Variants in RNF130 observed in about 807,000 individuals in gnomAD.
RNF130 encodes the protein E3 ubiquitin-protein ligase RNF130.
RNF130 carries 21 observed loss-of-function variants against 44.6 expected under a neutral mutation model. That is an observed-to-expected ratio of 0.47 (90% CI 0.33 to 0.68). The LOEUF is 0.68. Ranked by LOEUF, RNF130 falls within the 30% of genes least tolerant of loss-of-function variation. The probability of loss-of-function intolerance (pLI) is 0.02; values close to 1 mark genes in which losing one functional copy is unlikely to be tolerated. For synonymous variants in RNF130, 214 were observed against 210.4 expected, an observed-to-expected ratio of 1.02 and a Z score of -0.15; for missense variants, 479 against 560.6, an observed-to-expected ratio of 0.85 and a Z score of 1.47.
At chr5:179,997,733 C>T (rs1763237840) in intron 3 of RNF130, among the ~76,000 whole-genome samples, 1 of 152,152 alleles carries the variant, frequency 6.6e-6, no homozygotes, top group Non-Finnish European at 1.5e-5. Context: ...TCCCAAAGTG[C>T]TGGGATTATA....
chr5:180,010,071 C>A (rs1001959070), intron 3 of RNF130, among the ~76,000 whole-genome samples: 2 of 151,688 alleles, frequency 1.3e-5, no homozygotes, highest in African/African-American at 4.8e-5. Flanking sequence ...CACGGTGAAA[C>A]CCCATCTCTA....
intron 1 of RNF130, among the ~76,000 whole-genome samples, chr5:180,051,342 C>T (rs1011933211): frequency 6.6e-6 from 1 of 151,678 alleles, no homozygotes; most frequent in Non-Finnish European, 1.5e-5. Flanking sequence ...CTCTGCCTCC[C>T]GGGTTGACGC....
At chr5:179,933,398 T>TTGTGTGTGTGTGTG (rs71001060) in intron 7 of RNF130, among the ~76,000 whole-genome samples, 59,543 of 143,340 alleles carry the variant, frequency 0.42, 13,499 homozygotes, top group Non-Finnish European at 0.52. Flanking sequence ...ATAACCCTAT[T>TTGTGTGTGTGTGTG]TGTGTGTGTG....
At position 179,946,435 on chromosome 5, in the gene RNF130, TTTTATAAAAAAAAC is replaced by T. The variant is rs1191285979; in HGVS notation, c.1150+20357_1150+20370del. The stretch of plus-strand genomic sequence containing the variant: ...AATGGACATTTCCCTTAAAAGGGAC[TTTTATAAAAAAAAC>T]TTTAAGGTAAAGAAACAAGAGTAAA... On this transcript the variant is annotated intron_variant, in intron 7 of 7. Transcript: ENST00000522208. 2.0e-5 allele frequency among the ~76,000 whole-genome samples: 3 copies of T among 152,190 alleles called. No homozygotes were observed. The East Asian group carries it at 5.8e-4, about 29-fold the overall frequency.
intron 2 of RNF130, among the ~76,000 whole-genome samples, chr5:180,021,240 G>A (rs1008427401): frequency 4.0e-5 from 6 of 151,880 alleles, no homozygotes; most frequent in Non-Finnish European, 4.4e-5. Context: ...CGCCTGCCTC[G>A]GCCTCCCAAA....
intron 3 of RNF130, among the ~76,000 whole-genome samples, chr5:179,999,464 G>C (rs149430993): frequency 6.6e-5 from 10 of 152,182 alleles, no homozygotes; most frequent in African/African-American, 2.4e-4. Flanking sequence ...GCTTACGCCT[G>C]TAATCCCAGC....
chr5:180,063,413 C>T (rs1366032806), intron 1 of RNF130, among the ~76,000 whole-genome samples: 39 of 152,016 alleles, frequency 2.6e-4, no homozygotes, highest in Admixed American at 2.6e-3. Context: ...GGGTGGATGG[C>T]GATGTCATTT....
At chr5:179,979,180 T>C (rs1302858211) in intron 4 of RNF130, among the ~76,000 whole-genome samples, 4 of 151,996 alleles carry the variant, frequency 2.6e-5, no homozygotes, top group Non-Finnish European at 5.9e-5. Context: ...GCATCTACAC[T>C]GTCACCGTGG....
chr5:179,973,438 C>G (rs1043780923), intron 5 of RNF130, among the ~76,000 whole-genome samples: 2 of 152,206 alleles, frequency 1.3e-5, no homozygotes, highest in Non-Finnish European at 2.9e-5. Context: ...TCTGCTACAA[C>G]AGTCTGGTGC....
intron 3 of RNF130, among the ~76,000 whole-genome samples, chr5:179,999,933 G>A (rs1055955882): frequency 3.3e-5 from 5 of 151,938 alleles, no homozygotes; most frequent in Non-Finnish European, 5.9e-5. Flanking sequence ...TGTTATTTTT[G>A]TTCTCTCCTA....
intron 7 of RNF130, among the ~76,000 whole-genome samples, chr5:179,929,231 C>T (rs1030658777): frequency 4.6e-5 from 7 of 152,144 alleles, no homozygotes; most frequent in Admixed American, 1.3e-4. Flanking sequence ...TCTTACCCCA[C>T]GGCTTGTGCA....
chr5:180,054,485 C>T (rs538035471), intron 1 of RNF130, among the ~76,000 whole-genome samples: 14 of 152,198 alleles, frequency 9.2e-5, no homozygotes, highest in African/African-American at 2.6e-4. Context: ...CAGTTGTCCC[C>T]GCACCCTTTA....
chr5:180,071,671 C>T lies in RNF130; in HGVS notation c.32G>A (p.Arg11Gln). Residue 11 changes from arginine (R) to glutamine (Q), a missense_variant, in exon 1 of 9, where the codon CGG becomes CAG. Coordinates refer to ENST00000521389, the MANE Select transcript of RNF130 (RefSeq NM_018434.6). MSCAGRAGPA[R>Q]LAALALLTCS... ...GGTCAGCAGGGCGAGCGCGGCGAGC[C>T]GGGCAGGGCCCGCCCGCCCCGCGCA... 7 of 1,418,826 alleles carry T rather than the reference C, an allele frequency of 4.9e-6. No homozygotes were observed. Among genetic ancestry groups the T allele is most frequent in the Non-Finnish European group, 6.5e-6 (7 of 1,082,552 alleles). 87.9% of individuals were successfully genotyped at this position (1,418,826 alleles called of 1,614,324 possible).
chr5:180,020,309 G>A (rs908820275), intron 2 of RNF130, among the ~76,000 whole-genome samples: 4 of 152,210 alleles, frequency 2.6e-5, no homozygotes, highest in Non-Finnish European at 5.9e-5. Flanking sequence ...GACAGGCGGG[G>A]AAGCACGTGA....
At chr5:179,973,052 T>C (rs1177343647) in intron 5 of RNF130, among the ~76,000 whole-genome samples, 1 of 152,082 alleles carries the variant, frequency 6.6e-6, no homozygotes, top group Non-Finnish European at 1.5e-5. Flanking sequence ...TCTGAAATAT[T>C]TTTGGTCTTT....
chr5:179,933,673 C>T (rs971702123), intron 7 of RNF130: 66 of 315,624 alleles, frequency 2.1e-4, no homozygotes, highest in Non-Finnish European at 3.2e-4. Context: ...AGTCACGCTC[C>T]ACCATGCCGG....
chr5:180,023,568 A>C (rs1763921229), intron 2 of RNF130, among the ~76,000 whole-genome samples: 1 of 152,216 alleles, frequency 6.6e-6, no homozygotes, highest in African/African-American at 2.4e-5. Context: ...TCCAACACCC[A>C]CAACAATGGA....
chr5:179,994,095 T>C (rs1405894626), intron 3 of RNF130, among the ~76,000 whole-genome samples: 1 of 152,244 alleles, frequency 6.6e-6, no homozygotes, highest in Non-Finnish European at 1.5e-5. Context: ...ATCTCTGTTT[T>C]GGTACCAGTA....
At chr5:179,920,365 G>A (rs1366733643) in exon 8 of RNF130, 1 of 702,492 alleles carries the variant, frequency 1.4e-6, no homozygotes, top group Admixed American at 2.0e-5. Flanking sequence ...CGATGGTGGA[G>A]AATTCACTTT....
Sources: allele counts gnomAD v4.1 joint callset (sites outside exome capture counted in the v4.1 genomes callset), GRCh38; gene constraint gnomAD v4.1.1; transcripts MANE v1.5; gene names NCBI Gene and HGNC (gene_info 2026-07-23, HGNC 2026-07-21).